EMSY: variants seen among roughly 807,000 people sequenced by gnomAD.
EMSY encodes BRCA2-interacting transcriptional repressor EMSY.
EMSY carries 26 observed loss-of-function variants against 134.6 expected under a neutral mutation model. That is an observed-to-expected ratio of 0.19 (90% CI 0.14 to 0.27). The LOEUF is 0.27. EMSY is among the 10% of genes least tolerant of loss of function. EMSY has a pLI of 1.00. For missense variants in EMSY, 1,305 were observed against 1,611.4 expected, an observed-to-expected ratio of 0.81 and a Z score of 3.26; for synonymous variants, 579 against 577.8, an observed-to-expected ratio of 1.00 and a Z score of -0.03.
intron 14 of EMSY, among the ~76,000 whole-genome samples, chr11:76,534,133 A>G (rs1295490497): frequency 1.3e-5 from 2 of 151,976 alleles, no homozygotes; most frequent in South Asian, 2.1e-4. Flanking sequence ...CCTTTTTCCT[A>G]TCTCTTTCTA....
chr11:76,451,888 C>T (rs762619679), exon 3 of EMSY: 1 of 1,591,778 alleles, frequency 6.3e-7, no homozygotes, highest in Non-Finnish European at 8.5e-7. Context: ...GTTATCAGTG[C>T]ACTTCGGGCA....
At chr11:76,508,631 G>T (rs189338739) in intron 9 of EMSY, among the ~76,000 whole-genome samples, 1 of 152,216 alleles carries the variant, frequency 6.6e-6, no homozygotes, top group African/African-American at 2.4e-5. Flanking sequence ...GTCCTAGATG[G>T]CATCTTCTTC....
At chr11:76,544,313 G>C (rs1472463235) in exon 19 of EMSY, 1 of 1,614,130 alleles carries the variant, frequency 6.2e-7, no homozygotes, top group Admixed American at 1.7e-5. Flanking sequence ...TGGAACTGAG[G>C]AGGGCGAGGT....
chr11:76,516,348 G>T (rs764633655), intron 11 of EMSY, 36 bp downstream of exon 12: 1 of 1,434,464 alleles, frequency 7.0e-7, no homozygotes. Flanking sequence ...GGTATAGGTG[G>T]CCTTCATTGA....
At chr11:76,464,618 T>C (rs939290936) in intron 7 of EMSY, among the ~76,000 whole-genome samples, 1 of 152,236 alleles carries the variant, frequency 6.6e-6, no homozygotes, top group African/African-American at 2.4e-5. Flanking sequence ...CCCTCTGTCT[T>C]CCCACACTGA....
intron 9 of EMSY, among the ~76,000 whole-genome samples, chr11:76,501,541 A>G (rs1195780075): frequency 6.6e-6 from 1 of 152,192 alleles, no homozygotes; most frequent in Non-Finnish European, 1.5e-5. Context: ...AAGTAAAGTC[A>G]CTGAACTAAA....
At chr11:76,512,624 C>A (rs1378806886) in intron 9 of EMSY, among the ~76,000 whole-genome samples, 1 of 143,324 alleles carries the variant, frequency 7.0e-6, no homozygotes, top group African/African-American at 2.6e-5. Context: ...GCAAGCTACA[C>A]TTTTTTTTTT....
intron 9 of EMSY, among the ~76,000 whole-genome samples, chr11:76,509,994 G>A (rs992908456): frequency 3.3e-5 from 5 of 152,182 alleles, no homozygotes; most frequent in Non-Finnish European, 7.3e-5. Flanking sequence ...AGGAGTTCAA[G>A]GTTACAGTCA....
chr11:76,552,665 A>G (rs1311637514), downstream of EMSY: 1 of 152,224 alleles, frequency 6.6e-6, no homozygotes, highest in Non-Finnish European at 1.5e-5. Context: ...AGATATTCAC[A>G]TGCCATAAAC....
At chr11:76,465,060 T>C (rs1046977721) in intron 7 of EMSY, among the ~76,000 whole-genome samples, 2 of 152,218 alleles carry the variant, frequency 1.3e-5, no homozygotes, top group Admixed American at 1.3e-4. Flanking sequence ...TGGGTCTTTA[T>C]TTCATCGATT....
intron 9 of EMSY, among the ~76,000 whole-genome samples, chr11:76,501,162 CT>C (rs1457194368): frequency 6.6e-6 from 1 of 151,862 alleles, no homozygotes; most frequent in African/African-American, 2.4e-5. Flanking sequence ...TTTTTGTTGT[CT>C]TTTTCCTAAA....
Position 76,508,973 on chromosome 11 carries a change from G to A in EMSY, c.1364-4413G>A, listed in dbSNP as rs186302954. The stretch of plus-strand genomic sequence containing the variant: ...AGAGAGATGGGAGAATGTCCAGTTC[G>A]TGAAGCAGTCAGAGCACACACAACA... On this transcript the variant is annotated intron_variant, in intron 9 of 20. Coordinates refer to ENST00000334736, the Ensembl canonical transcript of EMSY. Among the ~76,000 whole-genome samples, 15 of 152,196 alleles carry A rather than the reference G, an allele frequency of 9.9e-5. No homozygotes were observed. In the East Asian group the frequency reaches 2.7e-3, roughly 27 times the overall value.
At chr11:76,451,473 A>G (rs1237631704) in intron 2 of EMSY, among the ~76,000 whole-genome samples, 1 of 152,204 alleles carries the variant, frequency 6.6e-6, no homozygotes. Context: ...AGCCTAAGGA[A>G]TTATTTTAAG....
chr11:76,526,480 A>G lies in EMSY; in HGVS notation c.1840A>G (p.Thr614Ala), dbSNP rs530864052. The G allele has an allele frequency of 1.9e-6, 3 of 1,610,314 alleles. No homozygotes were observed. The East Asian group carries it at 6.7e-5, about 36-fold the overall frequency. The change falls in exon 13 of 21, where the codon ACA becomes GCA. Residue 614 changes from threonine (T) to alanine (A), a missense_variant. Transcript: ENST00000334736. ...AATTTAGGGAGAAAAGACTATTCAG[A>G]CAGTGCCAACAGGAGCAAAGCCAGC... is the stretch of plus-strand genomic sequence containing the variant.
intron 5 of EMSY, chr11:76,459,206 A>T (rs1948004648): frequency 6.6e-6 from 1 of 152,152 alleles, no homozygotes; most frequent in African/African-American, 2.4e-5. Flanking sequence ...TTGAATCTTA[A>T]TTTGTCATTT....
chr11:76,448,798 G>C (rs987065675), intron 2 of EMSY, among the ~76,000 whole-genome samples: 12 of 151,930 alleles, frequency 7.9e-5, no homozygotes, highest in African/African-American at 2.7e-4. Context: ...TTTAGAAAAG[G>C]TACATACAGT....
rs1948231795 is a variant in EMSY at position 76,463,691 on chromosome 11, AT to A, written c.572-128del. The stretch of plus-strand genomic sequence containing the variant: ...TCAGAGACCACTTCTCTGAGGGAAG[AT>A]TGATAGAACTTATTGGCTAATGGCT... On this transcript the variant is annotated intron_variant, in intron 6 of 20. Transcript: ENST00000334736. 1.9e-5 allele frequency: 19 copies of A among 986,050 alleles called. 1 individual carries two copies. The South Asian group carries it at 3.2e-4, about 17-fold the overall frequency. The allele number at this position is 986,050 out of a possible 1,614,324, so 61.1% of individuals were successfully genotyped here. A position where few individuals can be genotyped will look rare whatever the true frequency, so the allele number is the denominator to read the frequency against.
At chr11:76,530,129 G>A (rs1448380667) in intron 14 of EMSY, among the ~76,000 whole-genome samples, 1 of 147,696 alleles carries the variant, frequency 6.8e-6, no homozygotes, top group African/African-American at 2.5e-5. Context: ...TCCCAAACAT[G>A]CCATTTCATT....
rs908850171 is a variant in EMSY, at chr11:76,542,045, C to T, written c.2558-171C>T. On this transcript the variant is annotated intron_variant, in intron 17 of 20. Coordinates refer to ENST00000334736, the Ensembl canonical transcript of EMSY. ...AGTCTCAGAGAAGATAAGAGACTTT[C>T]TTAGAGTCACACAGCTCATAGATGG... The T allele has an allele frequency of 1.2e-5, 9 of 752,326 alleles. No individual in the cohort carries two copies. In the East Asian group the frequency reaches 1.8e-4, roughly 15 times the overall value. 46.6% of individuals were successfully genotyped at this position (752,326 alleles called of 1,614,324 possible).
Sources: gnomAD v4.1 joint callset for allele counts (sites outside exome capture counted in the v4.1 genomes callset) on GRCh38, gnomAD v4.1.1 for gene constraint, MANE v1.5 for transcripts, NCBI Gene and HGNC (gene_info 2026-07-23, HGNC 2026-07-21) for gene names.